Variants in TRPM3 observed in about 807,000 individuals in gnomAD.
TRPM3 encodes transient receptor potential cation channel subfamily M member 3, also known as long transient receptor potential channel 3.
TRPM3 carries 77 observed loss-of-function variants against 181.2 expected under a neutral mutation model. That is an observed-to-expected ratio of 0.42 (90% CI 0.35 to 0.51). The LOEUF (loss-of-function observed/expected upper bound fraction) is 0.51. Among genes scored for constraint, TRPM3 ranks in the 20% least tolerant of loss-of-function variants. The pLI is 0.01. For missense variants in TRPM3, 1,759 were observed against 2,196.7 expected (o/e 0.80, Z 3.98); for synonymous variants, 745 against 796.4 (o/e 0.94, Z 1.09).
chr9:71,417,579 T>G lies in TRPM3; in HGVS notation c.183+29074A>C, dbSNP rs928698880. On this transcript the variant is annotated intron_variant, in intron 1 of 24. Coordinates refer to the TRPM3 transcript ENST00000357533. ...TCCAAAATATTATCTCATAATCCTA[T>G]TAAATTACTGCACTAATTTAAATTA... 7.8e-4 allele frequency among the ~76,000 whole-genome samples: 119 copies of G among 152,104 alleles called. 1 individual carries two copies. Among genetic ancestry groups the G allele is most frequent in the Non-Finnish European group, 1.2e-3 (81 of 67,922 alleles).
chr9:71,408,343 C>G (rs1401958120), intron 1 of TRPM3, among the ~76,000 whole-genome samples: 2 of 152,074 alleles, frequency 1.3e-5, no homozygotes, highest in African/African-American at 2.4e-5. Flanking sequence ...CGCAAGAAAG[C>G]TAAAAACCTT....
intron 1 of TRPM3, among the ~76,000 whole-genome samples, chr9:70,936,604 T>C (rs1010864651): frequency 2.0e-5 from 3 of 152,148 alleles, no homozygotes; most frequent in Admixed American, 6.5e-5. Context: ...TTGCTGGATG[T>C]TTTGGATATG....
intron 1 of TRPM3, among the ~76,000 whole-genome samples, chr9:71,002,929 A>G (rs1162055739): frequency 6.6e-6 from 1 of 152,158 alleles, no homozygotes; most frequent in African/African-American, 2.4e-5. Flanking sequence ...ATATTTTCCA[A>G]AAAGGTTTGT....
chr9:70,966,116 A>G (rs2097182956), intron 1 of TRPM3, among the ~76,000 whole-genome samples: 1 of 152,070 alleles, frequency 6.6e-6, no homozygotes, highest in African/African-American at 2.4e-5. Context: ...AAAAGACGAC[A>G]TACATGTGGC....
intron 24 of TRPM3, among the ~76,000 whole-genome samples, 185 bp downstream of exon 24, chr9:70,552,659 C>A (rs187257822): frequency 1.3e-5 from 2 of 152,180 alleles, no homozygotes; most frequent in Non-Finnish European, 2.9e-5. Flanking sequence ...CTACCATCTT[C>A]TTTCTGACAT....
chr9:70,753,631 GT>G (rs1442206495), intron 8 of TRPM3, among the ~76,000 whole-genome samples: 2 of 152,136 alleles, frequency 1.3e-5, no homozygotes, highest in African/African-American at 4.8e-5. Context: ...TTTTGAACAT[GT>G]TTTTACACAG....
chr9:70,837,803 G>A (rs148552308), intron 5 of TRPM3, among the ~76,000 whole-genome samples: 15 of 152,172 alleles, frequency 9.9e-5, no homozygotes, highest in East Asian at 1.9e-4. Flanking sequence ...CTCTGAGTTC[G>A]GTTTACAGTC....
intron 1 of TRPM3, among the ~76,000 whole-genome samples, chr9:71,234,241 G>A (rs1250638870): frequency 5.3e-5 from 8 of 152,126 alleles, no homozygotes; most frequent in African/African-American, 1.9e-4. Flanking sequence ...CAGAGCAAGT[G>A]ATCCATTGAG....
intron 1 of TRPM3, among the ~76,000 whole-genome samples, chr9:70,922,442 A>T (rs1476567153): frequency 6.6e-6 from 1 of 152,214 alleles, no homozygotes. Context: ...ATTGAATTGC[A>T]CACTCAAAAT....
At chr9:71,228,933 C>G (rs2080869544) in intron 1 of TRPM3, among the ~76,000 whole-genome samples, 1 of 152,012 alleles carries the variant, frequency 6.6e-6, no homozygotes, top group Non-Finnish European at 1.5e-5. Context: ...TATAAAAATA[C>G]CAATGACATT....
intron 1 of TRPM3, among the ~76,000 whole-genome samples, chr9:71,013,252 GT>G (rs1432481786): frequency 6.6e-6 from 1 of 151,868 alleles, no homozygotes; most frequent in Non-Finnish European, 1.5e-5. Context: ...AATTATACTG[GT>G]GGATTTCCTG....
intron 8 of TRPM3, among the ~76,000 whole-genome samples, chr9:70,739,426 C>T (rs528668305): frequency 6.6e-6 from 1 of 152,236 alleles, no homozygotes; most frequent in Admixed American, 6.5e-5. Context: ...CAAAATCCAG[C>T]ATCACTTTAT....
rs74345646 is a variant in TRPM3, at chr9:71,400,189, G to A, written c.183+46464C>T. On this transcript the variant is annotated intron_variant, in intron 1 of 24. Transcript: ENST00000357533. ...TTCATTCATTCATTTTGCCACTCCT[G>A]GACTCAAGCAATCCACGCACCTCAG... 7.0e-3 allele frequency among the ~76,000 whole-genome samples: 1,068 copies of A among 152,082 alleles called. 7 individuals are homozygous for A. The highest frequency in any genetic ancestry group is 0.027 in the South Asian group (132 of 4,810).
rs1275616576 is a variant in TRPM3, at chr9:70,532,321, C to T, written c.*3632G>A. Reference sequence around the variant, plus strand: ...ACATTTGAAACATTCAGAAGAAACACATTTTGTGTTTTTATGAGTACATTT... The same window carrying T: ...ACATTTGAAACATTCAGAAGAAACATATTTTGTGTTTTTATGAGTACATTT... On this transcript the variant is annotated 3_prime_UTR_variant, in exon 26 of 26. Coordinates refer to ENST00000677713, the MANE Select transcript of TRPM3 (RefSeq NM_001366145.2). 1 of 152,110 alleles carries T rather than the reference C, an allele frequency of 6.6e-6. No homozygotes were observed. The highest frequency in any genetic ancestry group is 1.5e-5 in the Non-Finnish European group (1 of 68,014). The allele number at this position is 152,110 out of a possible 1,614,324, so 9.4% of individuals were successfully genotyped here.
At chr9:71,392,222 C>T (rs1193876638) in intron 1 of TRPM3, among the ~76,000 whole-genome samples, 2 of 152,084 alleles carry the variant, frequency 1.3e-5, no homozygotes, top group Non-Finnish European at 2.9e-5. Context: ...AAAGAAAACA[C>T]ATTTTCAGAT....
intron 6 of TRPM3, among the ~76,000 whole-genome samples, chr9:70,806,260 T>C (rs1293304197): frequency 6.6e-6 from 1 of 151,824 alleles, no homozygotes; most frequent in Non-Finnish European, 1.5e-5. Context: ...AGAAGTGCTG[T>C]TTGTTTCAGC....
intron 1 of TRPM3, among the ~76,000 whole-genome samples, chr9:71,027,597 T>C (rs866998175): frequency 2.0e-5 from 3 of 152,152 alleles, no homozygotes; most frequent in Non-Finnish European, 2.9e-5. Context: ...ACAGACAAAG[T>C]AGCCAGGATC....
intron 12 of TRPM3, among the ~76,000 whole-genome samples, chr9:70,633,354 G>A (rs1783195656): frequency 6.6e-6 from 1 of 152,208 alleles, no homozygotes; most frequent in Non-Finnish European, 1.5e-5. Context: ...GACAAAACCG[G>A]AAGGTTCAAA....
chr9:70,848,686 G>T (rs2095088192), intron 3 of TRPM3, among the ~76,000 whole-genome samples: 1 of 151,990 alleles, frequency 6.6e-6, no homozygotes, highest in African/African-American at 2.4e-5. Flanking sequence ...TGTGTCAAAA[G>T]AAATTACCTG....
Sources: gnomAD v4.1 joint callset for allele counts (sites outside exome capture counted in the v4.1 genomes callset) on GRCh38, gnomAD v4.1.1 for gene constraint, MANE v1.5 for transcripts, NCBI Gene and HGNC (gene_info 2026-07-23, HGNC 2026-07-21) for gene names.